The following ZBED6 variants were observed in gnomAD, a reference collection of about 807,000 sequenced individuals.
The protein encoded by ZBED6 is zinc finger BED-type containing 6, also known as zinc finger BED domain-containing protein 6.
In ZBED6, 40 loss-of-function variants were observed where a neutral mutation model predicts 58.4. The ratio of observed to expected loss-of-function variants is 0.68; its 90% CI spans 0.53 to 0.89. The LOEUF is 0.89. Among genes scored for constraint, ZBED6 ranks in the 40% least tolerant of loss-of-function variants. ZBED6 has a pLI of 0.00. For missense variants in ZBED6, 1,057 were observed against 1,003.9 expected, an observed-to-expected ratio of 1.05 and a Z score of -0.71; for synonymous variants, 439 against 350.6, an observed-to-expected ratio of 1.25 and a Z score of -2.82.
intron 1 of ZBED6, among the ~76,000 whole-genome samples, chr1:203,811,089 C>T (rs12117535): frequency 0.49 from 73,267 of 149,596 alleles, 18,491 homozygotes; most frequent in Non-Finnish European, 0.53. Flanking sequence ...TGCAATGAGC[C>T]GAGATTGCGC....
intron 3 of ZBED6, among the ~76,000 whole-genome samples, chr1:203,828,010 T>G (rs866192622): frequency 5.3e-5 from 8 of 151,580 alleles, no homozygotes; most frequent in African/African-American, 1.9e-4. Flanking sequence ...TTCATAAACT[T>G]AAACTACTGT....
At chr1:203,804,480 G>A (rs1227742698) in intron 1 of ZBED6, among the ~76,000 whole-genome samples, 1 of 151,746 alleles carries the variant, frequency 6.6e-6, no homozygotes, top group Admixed American at 6.6e-5. Context: ...ATTGTGAATG[G>A]TCTCTTCCTG....
Position 203,821,827 on chromosome 1 carries a change from C to G in ZBED6, c.*2873+3138C>G, listed in dbSNP as rs12028219. On this transcript the variant is annotated intron_variant, in intron 3 of 16. Coordinates refer to ENST00000550078, the Ensembl canonical transcript of ZBED6. ...GGCTGGAGTGCAGTGGCGCGATCTC[C>G]GCTCACTGCAAGCTCCGCCTCATTG... 0.024 allele frequency among the ~76,000 whole-genome samples: 3,613 copies of G among 151,738 alleles called. 455 individuals are homozygous for G. The East Asian group carries it at 0.41, about 17-fold the overall frequency.
intron 11 of ZBED6, among the ~76,000 whole-genome samples, chr1:203,841,154 T>A (rs891255824): frequency 7.3e-6 from 1 of 137,442 alleles, no homozygotes; most frequent in South Asian, 2.2e-4. Flanking sequence ...TTTTTTTTTT[T>A]TTATTTTTTT....
At chr1:203,847,078 A>C in intron 11 of ZBED6, 106 bp from the exon 12 acceptor site, 1 of 1,231,238 alleles carries the variant, frequency 8.1e-7, no homozygotes, top group Admixed American at 2.3e-5. Flanking sequence ...TGCCTGCTTA[A>C]ATGATAGCTC....
chr1:203,828,269 T>C (rs766161407), intron 3 of ZBED6, 30 bp from the exon 4 acceptor site: 29 of 1,613,498 alleles, frequency 1.8e-5, no homozygotes, highest in Non-Finnish European at 2.0e-5. Context: ...ACTGTTTTAT[T>C]TGAAAGCAAT....
intron 7 of ZBED6, among the ~76,000 whole-genome samples, chr1:203,830,925 ATTTTTTTTTTT>A (rs774771270): frequency 2.5e-4 from 13 of 51,384 alleles, no homozygotes; most frequent in South Asian, 8.7e-4. Flanking sequence ...CCAACCCCCA[ATTTTTTTTTTT>A]TTTTTTTTTT....
chr1:203,811,714 T>C (rs1674543483), intron 1 of ZBED6, among the ~76,000 whole-genome samples: 1 of 152,366 alleles, frequency 6.6e-6, no homozygotes, highest in African/African-American at 2.4e-5. Context: ...TTTGCCATGT[T>C]GGCCAGGCTG....
chr1:203,850,613 A>C, exon 15 of ZBED6: 1 of 1,614,158 alleles, frequency 6.2e-7, no homozygotes. Flanking sequence ...CGCTGCTGTC[A>C]TTGCCGCTGT....
intron 9 of ZBED6, 27 bp from the exon 10 acceptor site, chr1:203,837,939 C>T (rs1461165737): frequency 6.9e-6 from 11 of 1,595,624 alleles, no homozygotes; most frequent in Non-Finnish European, 9.4e-6. Flanking sequence ...GACTTGAAAT[C>T]TTAAACTAAG....
At chr1:203,797,707 A>C (rs1267144219) in exon 1 of ZBED6, 1 of 1,534,978 alleles carries the variant, frequency 6.5e-7, no homozygotes, top group East Asian at 2.4e-5. Context: ...CCTGCTAAAA[A>C]GAAAAGAAAG....
At chr1:203,852,730 G>GT (rs1689560531) in exon 17 of ZBED6, 1 of 308,250 alleles carries the variant, frequency 3.2e-6, no homozygotes, top group Non-Finnish European at 6.0e-6. Flanking sequence ...GTGTTTGTCA[G>GT]TTTTGGCTTT....
At chr1:203,835,619 TCCAATAGCATTAGCAGGAAGATTG>T (rs148267201) in intron 9 of ZBED6, 21,792 of 200,620 alleles carry the variant, frequency 0.11, 1,665 homozygotes, top group Non-Finnish European at 0.14. Context: ...AGATTCTGTG[TCCAATAGCATTAGCAGGAAGATTG>T]CTTTGGAATT....
intron 1 of ZBED6, among the ~76,000 whole-genome samples, chr1:203,816,024 C>T (rs148577932): frequency 5.5e-4 from 83 of 152,264 alleles, no homozygotes; most frequent in Non-Finnish European, 1.0e-3. Context: ...GTGTACACCT[C>T]TAGTCGTCTT....
chr1:203,805,456 G>T (rs1672001665), intron 1 of ZBED6, among the ~76,000 whole-genome samples: 1 of 152,012 alleles, frequency 6.6e-6, no homozygotes, highest in Non-Finnish European at 1.5e-5. Flanking sequence ...TACAAAGAAA[G>T]CATTTCCCAA....
Position 203,852,125 on chromosome 1 carries a change from C to A in ZBED6, c.*4874-16C>A, listed in dbSNP as rs764796461. 5.6e-6 allele frequency: 9 copies of A among 1,612,466 alleles called. No individual in the cohort carries two copies. Among genetic ancestry groups the A allele is most frequent in the Non-Finnish European group, 6.8e-6 (8 of 1,179,602 alleles). On this transcript the variant is annotated splice_polypyrimidine_tract_variant and intron_variant, in intron 16 of 16. Transcript: ENST00000550078. ...TTTAAAACGGCAGTTTTCTAATAATCTTTTTTTTCTTACAGTCTTGTGCTG... is the reference window on the plus strand; with the variant it reads ...TTTAAAACGGCAGTTTTCTAATAATATTTTTTTTCTTACAGTCTTGTGCTG...
chr1:203,844,018 C>T (rs375028863), intron 11 of ZBED6, among the ~76,000 whole-genome samples: 128 of 150,890 alleles, frequency 8.5e-4, no homozygotes, highest in African/African-American at 2.9e-3. Flanking sequence ...CTACCACGCC[C>T]GGCTAATTTT....
Position 203,837,945 on chromosome 1 carries a change from C to T in ZBED6, c.*3574-21C>T, listed in dbSNP as rs780214362. On this transcript the variant is annotated intron_variant, in intron 9 of 16. Transcript: ENST00000550078. The stretch of plus-strand genomic sequence containing the variant: ...CTGAAGATTGACTTGAAATCTTAAA[C>T]TAAGTTCTCCCTCTTTATAGGCGGT... 6 of 1,598,658 alleles carry T rather than the reference C, an allele frequency of 3.8e-6. No homozygotes were observed. The South Asian group carries it at 6.8e-5, about 18-fold the overall frequency.
chr1:203,842,336 T>C (rs1001456756), intron 11 of ZBED6, among the ~76,000 whole-genome samples: 1 of 152,144 alleles, frequency 6.6e-6, no homozygotes, highest in Non-Finnish European at 1.5e-5. Context: ...CGAGACTCCG[T>C]CTGCAATCCC....
Sources: allele counts gnomAD v4.1 joint callset (sites outside exome capture counted in the v4.1 genomes callset), GRCh38; gene constraint gnomAD v4.1.1; transcripts MANE v1.5; gene names NCBI Gene and HGNC (gene_info 2026-07-23, HGNC 2026-07-21).